The following ACSF2 variants were observed in gnomAD, a reference collection of about 807,000 sequenced individuals.
The protein encoded by ACSF2 is medium-chain acyl-CoA ligase ACSF2, mitochondrial.
Under a neutral mutation model 79.3 loss-of-function variants are expected in ACSF2, and 52 were observed. The observed-to-expected ratio is 0.66, with a 90% confidence interval of 0.53 to 0.83. ACSF2 has a LOEUF of 0.83. Ranked by LOEUF, ACSF2 falls within the 40% of genes least tolerant of loss-of-function variation. ACSF2 has a pLI of 0.00. For synonymous variants in ACSF2, 283 were observed against 312.6 expected (o/e 0.91, Z 1.00); for missense variants, 661 against 803.3 (o/e 0.82, Z 2.14).
chr17:50,441,675 G>A (rs2030929764), intron 1 of ACSF2, among the ~76,000 whole-genome samples: 1 of 152,164 alleles, frequency 6.6e-6, no homozygotes, highest in East Asian at 1.9e-4. Context: ...GAGTGGTTAT[G>A]AAGATCACAG....
chr17:50,464,769 T>TGC (rs781027982), intron 10 of ACSF2: 5 of 170,490 alleles, frequency 2.9e-5, no homozygotes, highest in African/African-American at 1.6e-4. Flanking sequence ...CTGATTGACT[T>TGC]GGGGGGGGGG....
intron 1 of ACSF2, among the ~76,000 whole-genome samples, chr17:50,456,864 A>G (rs2032042459): frequency 6.6e-6 from 1 of 152,196 alleles, no homozygotes; most frequent in Non-Finnish European, 1.5e-5. Flanking sequence ...GTTCGAGACC[A>G]GTTCTGGCAA....
intron 1 of ACSF2, among the ~76,000 whole-genome samples, chr17:50,426,601 G>A (rs551501303): frequency 6.6e-6 from 1 of 152,338 alleles, no homozygotes; most frequent in African/African-American, 2.4e-5. Flanking sequence ...GTTGGTGGCT[G>A]CAGTGACTTC....
chr17:50,437,268 G>T (rs1323397912), intron 1 of ACSF2, among the ~76,000 whole-genome samples: 2 of 152,240 alleles, frequency 1.3e-5, no homozygotes, highest in African/African-American at 2.4e-5. Flanking sequence ...TAACACAAGA[G>T]TGAATATGTT....
intron 1 of ACSF2, among the ~76,000 whole-genome samples, chr17:50,451,840 A>C (rs1289421814): frequency 6.6e-6 from 1 of 152,060 alleles, no homozygotes; most frequent in Non-Finnish European, 1.5e-5. Flanking sequence ...CTTGTTAGCC[A>C]TTCATAGATT....
chr17:50,474,465 A>G lies in ACSF2; in HGVS notation c.1798-37A>G. ...ACCCCTTATTCTTGGGTGAACCAAG[A>G]CAGCTGGTAACCCTAACTCCATTTT... On this transcript the variant is annotated intron_variant, in intron 15 of 15. Coordinates refer to ENST00000300441, the MANE Select transcript of ACSF2 (RefSeq NM_025149.6). The surrounding 1 kb of genome is among the most constrained non-coding windows in gnomAD (Gnocchi z 4.2). 1 of 1,609,536 alleles carries G rather than the reference A, an allele frequency of 6.2e-7. No individual in the cohort carries two copies. The highest frequency in any genetic ancestry group is 8.5e-7 in the Non-Finnish European group (1 of 1,175,922).
At chr17:50,473,830 C>G in intron 13 of ACSF2, 24 bp downstream of exon 13, 1 of 1,613,544 alleles carries the variant, frequency 6.2e-7, no homozygotes, top group East Asian at 2.2e-5. Context: ...CTCAGGTGAG[C>G]CCCCAGAAAC....
At chr17:50,465,363 C>T (rs2032635763) in intron 10 of ACSF2, 1 of 1,614,078 alleles carries the variant, frequency 6.2e-7, no homozygotes. Flanking sequence ...GCGTCCGTGT[C>T]ACGGATGTGC....
intron 1 of ACSF2, among the ~76,000 whole-genome samples, chr17:50,434,168 A>G (rs1028308975): frequency 6.6e-6 from 1 of 150,930 alleles, no homozygotes; most frequent in Non-Finnish European, 1.5e-5. Context: ...ACTTTTTACA[A>G]ATTAGTTGGG....
At chr17:50,434,302 G>A (rs2030203794) in intron 1 of ACSF2, among the ~76,000 whole-genome samples, 1 of 152,026 alleles carries the variant, frequency 6.6e-6, no homozygotes, top group African/African-American at 2.4e-5. Context: ...CTCAGTGACA[G>A]GGTGAGAGCA....
chr17:50,462,181 C>A lies in ACSF2; in HGVS notation c.508-3C>A. On this transcript the variant is annotated splice_region_variant and splice_polypyrimidine_tract_variant and intron_variant, in intron 4 of 15. Coordinates refer to ENST00000300441, the MANE Select transcript of ACSF2 (RefSeq NM_025149.6). ...CTGGAGGTGGGGGACTCCCCTTCCA[C>A]AGGTGGGCTGCAAGGCCCTTGTGTT... is the stretch of plus-strand genomic sequence containing the variant. 6.2e-7 allele frequency: 1 copy of A among 1,613,690 alleles called. No homozygotes were observed. Among genetic ancestry groups the A allele is most frequent in the Non-Finnish European group, 8.5e-7 (1 of 1,179,834 alleles).
At chr17:50,430,002 C>A (rs1434549584) in intron 1 of ACSF2, among the ~76,000 whole-genome samples, 1 of 152,244 alleles carries the variant, frequency 6.6e-6, no homozygotes, top group Non-Finnish European at 1.5e-5. Context: ...AGGCTTCCCC[C>A]AGACCTGCCC....
intron 1 of ACSF2, among the ~76,000 whole-genome samples, chr17:50,440,129 T>G (rs879718980): frequency 1.0e-3 from 152 of 152,152 alleles, no homozygotes; most frequent in Middle Eastern, 3.4e-3. Context: ...CAGCCTCCCA[T>G]GGGGGGTAAG....
chr17:50,431,254 T>C (rs1468632753), intron 1 of ACSF2, among the ~76,000 whole-genome samples: 1 of 152,236 alleles, frequency 6.6e-6, no homozygotes, highest in Non-Finnish European at 1.5e-5. Context: ...ATTGCTGCAG[T>C]GTACTGTGAA....
intron 1 of ACSF2, chr17:50,426,796 C>A (rs966504816): frequency 1.7e-6 from 2 of 1,192,028 alleles, no homozygotes; most frequent in East Asian, 5.1e-5. Context: ...CCAGTCTCCC[C>A]GACCCAGGCC....
At position 50,461,532 on chromosome 17, in the gene ACSF2, G is replaced by A. The variant is rs929213923; in HGVS notation, c.454-101G>A. ...CACCAAGGAGGTCTCTGGGAGTTAG[G>A]GGGCTGTAGAGTGCTGCCTCTATGC... On this transcript the variant is annotated intron_variant, in intron 3 of 15. Coordinates refer to ENST00000300441, the MANE Select transcript of ACSF2 (RefSeq NM_025149.6). The A allele has an allele frequency of 2.5e-6, 4 of 1,593,898 alleles. No homozygotes were observed. In the Admixed American group the frequency reaches 6.7e-5, roughly 27 times the overall value.
At chr17:50,430,472 C>T (rs979189805) in intron 1 of ACSF2, among the ~76,000 whole-genome samples, 3 of 152,124 alleles carry the variant, frequency 2.0e-5, no homozygotes, top group Non-Finnish European at 4.4e-5. Context: ...TCGAGACCAG[C>T]CTGGCCAATA....
intron 1 of ACSF2, among the ~76,000 whole-genome samples, chr17:50,428,255 G>T (rs1386123342): frequency 6.6e-6 from 1 of 152,196 alleles, no homozygotes; most frequent in Non-Finnish European, 1.5e-5. Flanking sequence ...GGAAGCCCAG[G>T]CAGGCAGATC....
Position 50,426,324 on chromosome 17 carries a change from G to C in ACSF2, c.63G>C (p.Leu21=). The C allele has an allele frequency of 7.1e-7, 1 of 1,418,244 alleles. No homozygotes were observed. Among genetic ancestry groups the C allele is most frequent in the Non-Finnish European group, 9.3e-7 (1 of 1,079,326 alleles). The allele number at this position is 1,418,244 out of a possible 1,614,324, so 87.9% of individuals were successfully genotyped here. A position where few individuals can be genotyped will look rare whatever the true frequency, so the allele number is the denominator to read the frequency against. ...TGTGCGCCGGGAGCTCGGGGGTGCTGGGGGCCCGGGCCGCCCTCTCTCGGA... is the reference window on the plus strand; with the variant it reads ...TGTGCGCCGGGAGCTCGGGGGTGCTCGGGGCCCGGGCCGCCCTCTCTCGGA... ...GRLCAGSSGV[L]GARAALSRSW... Residue 21 remains leucine, a synonymous_variant, in exon 1 of 16, where the codon CTG becomes CTC. Transcript: ENST00000300441.
Sources: allele counts gnomAD v4.1 joint callset (sites outside exome capture counted in the v4.1 genomes callset), GRCh38; gene constraint gnomAD v4.1.1; non-coding constraint Gnocchi (gnomAD v3.1); transcripts MANE v1.5; gene names NCBI Gene and HGNC (gene_info 2026-07-23, HGNC 2026-07-21).